Variants in ADAMTSL1 observed in about 807,000 individuals in gnomAD.
ADAMTSL1 encodes ADAMTS like 1.
In ADAMTSL1, 126 loss-of-function variants were observed where a neutral mutation model predicts 201.8. That is an observed-to-expected ratio of 0.62 (90% CI 0.54 to 0.72). ADAMTSL1 has a LOEUF of 0.72. ADAMTSL1 is among the 30% of genes least tolerant of loss of function. The pLI is 0.00. For missense variants in ADAMTSL1, 2,679 were observed against 2,277.8 expected, an observed-to-expected ratio of 1.18 and a Z score of -3.59; for synonymous variants, 1,121 against 903.4, an observed-to-expected ratio of 1.24 and a Z score of -4.32.
rs775555471 is a variant in ADAMTSL1 at position 18,892,542 on chromosome 9, C to A, written c.4797C>A (p.Thr1599=). Residue 1599 remains threonine (T), a synonymous_variant, in exon 26 of 29, where the codon ACC becomes ACA. Transcript: ENST00000380548. ...AGGTCGCCAAGCGGCCTGTGGACACCCAGGCCTGTAACCAGCAGCTGTGTG... is the reference window on the plus strand; with the variant it reads ...AGGTCGCCAAGCGGCCTGTGGACACACAGGCCTGTAACCAGCAGCTGTGTG... ...CTQVAKRPVD[T]QACNQQLCVE... is the part of the protein sequence containing the mutation. 6.3e-7 allele frequency: 1 copy of A among 1,583,552 alleles called. No individual in the cohort carries two copies. Among genetic ancestry groups the A allele is most frequent in the South Asian group, 1.2e-5 (1 of 86,742 alleles).
chr9:18,731,644 T>A (rs1201838397), intron 15 of ADAMTSL1, among the ~76,000 whole-genome samples: 1 of 152,072 alleles, frequency 6.6e-6, no homozygotes, highest in Non-Finnish European at 1.5e-5. Flanking sequence ...AAAAGAGGTT[T>A]AATTAGCTCA....
In ADAMTSL1 at chr9:18,509,041, G is replaced by C. The variant is rs1008459914; in HGVS notation, c.191+4085G>C. 1.2e-4 allele frequency among the ~76,000 whole-genome samples: 15 copies of C among 129,964 alleles called. 1 individual carries two copies. The highest frequency in any genetic ancestry group is 2.3e-4 in the Non-Finnish European group (14 of 61,326). The allele number at this position is 129,964 out of a possible 152,430, so 85.3% of individuals were successfully genotyped here. A position where few individuals can be genotyped will look rare whatever the true frequency, so the allele number is the denominator to read the frequency against. On this transcript the variant is annotated intron_variant, in intron 2 of 28. Coordinates refer to ENST00000380548, the MANE Select transcript of ADAMTSL1 (RefSeq NM_001040272.6). Reference sequence around the variant, plus strand: ...CTACTAAAAATACAAAAAATTAGCCGGGCGCGGTGGCGGGCGCCTGTAGTC... The same window carrying C: ...CTACTAAAAATACAAAAAATTAGCCCGGCGCGGTGGCGGGCGCCTGTAGTC...
chr9:18,059,207 C>T (rs1822339165), intron 1 of ADAMTSL1, among the ~76,000 whole-genome samples: 2 of 152,174 alleles, frequency 1.3e-5, no homozygotes, highest in African/African-American at 4.8e-5. Context: ...TGTCTCTCCT[C>T]TGAGTAAGTT....
intron 2 of ADAMTSL1, among the ~76,000 whole-genome samples, chr9:18,337,306 C>T (rs1835280840): frequency 6.6e-6 from 1 of 152,142 alleles, no homozygotes; most frequent in Admixed American, 6.5e-5. Context: ...CAGACTGAGG[C>T]TGTACTTTCA....
intron 23 of ADAMTSL1, among the ~76,000 whole-genome samples, chr9:18,884,900 G>A (rs2131525760): frequency 6.6e-6 from 1 of 152,114 alleles, no homozygotes; most frequent in Admixed American, 6.5e-5. Flanking sequence ...ATAAATTTTA[G>A]CATGAGATTC....
intron 2 of ADAMTSL1, among the ~76,000 whole-genome samples, chr9:18,309,942 A>G (rs1284527961): frequency 1.3e-5 from 2 of 152,142 alleles, no homozygotes; most frequent in Admixed American, 6.5e-5. Context: ...AAACTATACT[A>G]CAAGGCTACA....
chr9:18,883,317 G>A lies in ADAMTSL1; in HGVS notation c.4250-4514G>A, dbSNP rs111932435. On this transcript the variant is annotated intron_variant, in intron 23 of 28. Coordinates refer to ENST00000380548, the MANE Select transcript of ADAMTSL1 (RefSeq NM_001040272.6). ...CTCTTGGGATCATCAGGCCAGTCCC[G>A]GCATGACTTTCTAATATAATGGCAA... Among the ~76,000 whole-genome samples the A allele has an allele frequency of 1.3e-3, 200 of 152,174 alleles. 2 individuals carry two copies. The highest frequency in any genetic ancestry group is 0.012 in the South Asian group (58 of 4,806).
At chr9:18,531,299 G>A (rs1200350407) in intron 2 of ADAMTSL1, among the ~76,000 whole-genome samples, 2 of 152,174 alleles carry the variant, frequency 1.3e-5, no homozygotes, top group Non-Finnish European at 2.9e-5. Flanking sequence ...CCGTAATGAG[G>A]GGTGGTACTT....
At chr9:18,353,825 T>C (rs1292784600) in intron 2 of ADAMTSL1, among the ~76,000 whole-genome samples, 2 of 152,020 alleles carry the variant, frequency 1.3e-5, no homozygotes, top group Admixed American at 1.3e-4. Flanking sequence ...TCCTCCAAAA[T>C]GAAAATAGCC....
intron 20 of ADAMTSL1, among the ~76,000 whole-genome samples, chr9:18,816,478 C>A (rs1041176722): frequency 2.0e-5 from 3 of 152,096 alleles, no homozygotes; most frequent in African/African-American, 7.2e-5. Flanking sequence ...CTCAAGTGAT[C>A]GACCCACCTC....
At chr9:18,065,170 C>A (rs949728855) in intron 1 of ADAMTSL1, among the ~76,000 whole-genome samples, 2 of 151,924 alleles carry the variant, frequency 1.3e-5, no homozygotes, top group Non-Finnish European at 2.9e-5. Context: ...AAACATGAAA[C>A]CTGGCTCTAT....
At chr9:18,309,503 T>C (rs1384421011) in intron 2 of ADAMTSL1, among the ~76,000 whole-genome samples, 2 of 152,068 alleles carry the variant, frequency 1.3e-5, no homozygotes, top group East Asian at 3.9e-4. Context: ...GGATACAAAA[T>C]CAATGTGCAA....
chr9:18,571,694 C>A (rs1016136335), intron 3 of ADAMTSL1, among the ~76,000 whole-genome samples: 1 of 152,066 alleles, frequency 6.6e-6, no homozygotes, highest in African/African-American at 2.4e-5. Flanking sequence ...AGGAAGGCTA[C>A]GTGTAGAGTT....
chr9:18,631,373 A>T (rs1826761927), intron 5 of ADAMTSL1, among the ~76,000 whole-genome samples: 1 of 152,220 alleles, frequency 6.6e-6, no homozygotes, highest in Admixed American at 6.5e-5. Flanking sequence ...ATTTTGTTGG[A>T]TATATTTTAA....
chr9:18,123,511 A>C (rs1825594662), intron 1 of ADAMTSL1, among the ~76,000 whole-genome samples: 1 of 152,192 alleles, frequency 6.6e-6, no homozygotes, highest in African/African-American at 2.4e-5. Flanking sequence ...GTATAATAAC[A>C]ATGTAATATA....
chr9:18,123,466 C>A (rs1047996082), intron 1 of ADAMTSL1, among the ~76,000 whole-genome samples: 1 of 152,112 alleles, frequency 6.6e-6, no homozygotes, highest in African/African-American at 2.4e-5. Flanking sequence ...AGATTTTGTT[C>A]TTTTAAAAAT....
intron 23 of ADAMTSL1, among the ~76,000 whole-genome samples, chr9:18,879,600 A>G (rs1331536879): frequency 6.6e-6 from 1 of 152,230 alleles, no homozygotes; most frequent in Non-Finnish European, 1.5e-5. Flanking sequence ...TGCAACACCA[A>G]TACATCTAAA....
chr9:18,530,644 C>T (rs1390194210), intron 2 of ADAMTSL1, among the ~76,000 whole-genome samples: 1 of 152,152 alleles, frequency 6.6e-6, no homozygotes, highest in Non-Finnish European at 1.5e-5. Context: ...GACCTCCTTT[C>T]AATAGCTATT....
chr9:18,683,662 G>T (rs2133192019), intron 12 of ADAMTSL1, among the ~76,000 whole-genome samples: 1 of 152,126 alleles, frequency 6.6e-6, no homozygotes. Context: ...TTTGTTTTTT[G>T]ACTATAAATA....
Sources: gnomAD v4.1 joint callset for allele counts (sites outside exome capture counted in the v4.1 genomes callset) on GRCh38, gnomAD v4.1.1 for gene constraint, MANE v1.5 for transcripts, NCBI Gene and HGNC (gene_info 2026-07-23, HGNC 2026-07-21) for gene names.